SGMS1: variants seen among roughly 807,000 people sequenced by gnomAD.
The protein encoded by SGMS1 is sphingomyelin synthase 1.
SGMS1 carries 13 observed loss-of-function variants against 46.2 expected under a neutral mutation model. That is an observed-to-expected ratio of 0.28 (90% CI 0.18 to 0.45). The LOEUF is 0.45. Ranked by LOEUF, SGMS1 falls within the 20% of genes least tolerant of loss-of-function variation. The pLI, the probability that SGMS1 is intolerant of heterozygous loss-of-function variation, is 1.00. For missense variants in SGMS1, 324 were observed against 519.9 expected, an observed-to-expected ratio of 0.62 and a Z score of 3.66; for synonymous variants, 203 against 187.8, an observed-to-expected ratio of 1.08 and a Z score of -0.66.
chr10:50,458,339 CTTTTTTTTTTTTT>C lies in SGMS1; in HGVS notation c.-313+2321_-313+2333del, dbSNP rs750349777. On this transcript the variant is annotated intron_variant, in intron 5 of 10. Coordinates refer to ENST00000361781, the MANE Select transcript of SGMS1 (RefSeq NM_147156.4). ...TCTGGCTCTGCTATTTTCTTTTTCT[CTTTTTTTTTTTTT>C]TTTTTTTTTTTTTTTTTGTTTGAGG... Among the ~76,000 whole-genome samples the C allele has an allele frequency of 2.2e-3, 212 of 97,162 alleles. 2 individuals are homozygous for C. Among genetic ancestry groups the C allele is most frequent in the South Asian group, 0.018 (50 of 2,732 alleles). The allele number at this position is 97,162 out of a possible 152,430, so 63.7% of individuals were successfully genotyped here.
chr10:50,609,799 G>A (rs979108210), intron 1 of SGMS1, among the ~76,000 whole-genome samples: 2 of 151,684 alleles, frequency 1.3e-5, no homozygotes, highest in Admixed American at 6.6e-5. Context: ...GAGCATCTAC[G>A]GTCTCACTCT....
At chr10:50,568,492 C>T (rs918623409) in intron 2 of SGMS1, among the ~76,000 whole-genome samples, 2 of 152,130 alleles carry the variant, frequency 1.3e-5, no homozygotes, top group African/African-American at 2.4e-5. Context: ...CCCATCATTC[C>T]CATCCAATTC....
chr10:50,457,060 T>G (rs1837200668), intron 5 of SGMS1, among the ~76,000 whole-genome samples: 1 of 152,100 alleles, frequency 6.6e-6, no homozygotes, highest in African/African-American at 2.4e-5. Context: ...TTTAGAGAGG[T>G]TTTAACTAAA....
At chr10:50,610,581 C>G (rs1838740748) in intron 1 of SGMS1, among the ~76,000 whole-genome samples, 1 of 152,106 alleles carries the variant, frequency 6.6e-6, no homozygotes, top group Non-Finnish European at 1.5e-5. Context: ...TGCTGAGGCC[C>G]CTATGGAAAC....
At chr10:50,443,424 TGAG>T (rs1385043305) in intron 5 of SGMS1, among the ~76,000 whole-genome samples, 1 of 150,888 alleles carries the variant, frequency 6.6e-6, no homozygotes, top group African/African-American at 2.4e-5. Context: ...AGACAACATA[TGAG>T]AAGAAGAAGA....
At chr10:50,545,631 T>A (rs889817835) in intron 2 of SGMS1, among the ~76,000 whole-genome samples, 2 of 152,098 alleles carry the variant, frequency 1.3e-5, no homozygotes. Context: ...CGAGACAGGG[T>A]TTCACCATGT....
At chr10:50,574,226 G>A (rs1386385796) in intron 2 of SGMS1, among the ~76,000 whole-genome samples, 4 of 152,068 alleles carry the variant, frequency 2.6e-5, no homozygotes, top group African/African-American at 9.7e-5. Flanking sequence ...TGGAATGGGG[G>A]AAATATTTGC....
intron 5 of SGMS1, among the ~76,000 whole-genome samples, chr10:50,459,601 A>C (rs908188011): frequency 3.3e-5 from 5 of 152,194 alleles, no homozygotes; most frequent in Non-Finnish European, 7.4e-5. Flanking sequence ...AGGGGGTTTC[A>C]CCATGTTGGC....
chr10:50,540,059 A>G (rs1455522123), intron 2 of SGMS1, among the ~76,000 whole-genome samples: 2 of 152,216 alleles, frequency 1.3e-5, no homozygotes, highest in African/African-American at 2.4e-5. Flanking sequence ...TTTCTTACTT[A>G]ATCTTCATGA....
At chr10:50,622,811 G>T (rs890486761) in intron 1 of SGMS1, among the ~76,000 whole-genome samples, 20 of 152,272 alleles carry the variant, frequency 1.3e-4, no homozygotes, top group Admixed American at 7.2e-4. Context: ...GAATCCGTTA[G>T]CTGGACTAGG....
At position 50,537,966 on chromosome 10, in the gene SGMS1, T is replaced by G. The variant is rs11006073; in HGVS notation, c.-588-18045A>C. 5.1e-4 allele frequency among the ~76,000 whole-genome samples: 78 copies of G among 152,148 alleles called. 1 individual carries two copies. The East Asian group carries it at 0.015, about 29-fold the overall frequency. ...ATGAATCCCATTACATATTAAATGT[T>G]TGGTCAGTTCTCAAGAAGGCACTGC... On this transcript the variant is annotated intron_variant, in intron 2 of 10. Transcript: ENST00000361781.
chr10:50,354,919 G>A (rs1240589120), intron 6 of SGMS1, among the ~76,000 whole-genome samples: 2 of 152,118 alleles, frequency 1.3e-5, no homozygotes, highest in African/African-American at 4.8e-5. Context: ...TTAGAATGGA[G>A]ATCATTAAAA....
chr10:50,520,712 C>A (rs528963725), intron 2 of SGMS1, among the ~76,000 whole-genome samples: 1 of 152,092 alleles, frequency 6.6e-6, no homozygotes. Context: ...CATAGATACG[C>A]CAACAGAGAT....
chr10:50,501,102 C>T (rs1837657797), intron 3 of SGMS1, among the ~76,000 whole-genome samples: 1 of 152,198 alleles, frequency 6.6e-6, no homozygotes, highest in Non-Finnish European at 1.5e-5. Context: ...CCTTCCCTCT[C>T]ATCCCATGTC....
At chr10:50,566,033 G>A (rs1838285306) in intron 2 of SGMS1, among the ~76,000 whole-genome samples, 1 of 152,228 alleles carries the variant, frequency 6.6e-6, no homozygotes, top group African/African-American at 2.4e-5. Context: ...TGTGGTTCTG[G>A]CAACCCAGTA....
At position 50,607,306 on chromosome 10, in the gene SGMS1, A is replaced by G. The variant is rs1838707147; in HGVS notation, c.-684+16401T>C. 4.6e-5 allele frequency among the ~76,000 whole-genome samples: 7 copies of G among 152,114 alleles called. No homozygotes were observed. In the South Asian group the frequency reaches 1.2e-3, roughly 27 times the overall value. On this transcript the variant is annotated intron_variant, in intron 1 of 10. Transcript: ENST00000361781. ...CCTAGCATTGTACTTTGTGTATAAC[A>G]GCATTGACATGGCAAGTCTACTAAC...
At chr10:50,356,206 T>A (rs145907857) in intron 6 of SGMS1, among the ~76,000 whole-genome samples, 2,367 of 152,360 alleles carry the variant, frequency 0.016, 73 homozygotes, top group African/African-American at 0.054. Flanking sequence ...TTTTGTTCTC[T>A]ACTAAGAAAA....
intron 3 of SGMS1, among the ~76,000 whole-genome samples, chr10:50,473,264 G>A (rs1436890428): frequency 2.0e-5 from 3 of 152,150 alleles, no homozygotes; most frequent in African/African-American, 7.2e-5. Context: ...CATGGGTTAT[G>A]TCATATCTCA....
intron 1 of SGMS1, among the ~76,000 whole-genome samples, chr10:50,603,785 T>C (rs1456682518): frequency 1.3e-5 from 2 of 152,232 alleles, no homozygotes; most frequent in Admixed American, 1.3e-4. Flanking sequence ...CACTTTCTAA[T>C]GTTATGTATC....
Sources: allele counts gnomAD v4.1 joint callset (sites outside exome capture counted in the v4.1 genomes callset), GRCh38; gene constraint gnomAD v4.1.1; transcripts MANE v1.5; gene names NCBI Gene and HGNC (gene_info 2026-07-23, HGNC 2026-07-21).